Variants in KLHL18 observed in about 807,000 individuals in gnomAD.
The protein encoded by KLHL18 is kelch like family member 18, also known as kelch-like protein 18.
In KLHL18, 38 loss-of-function variants were observed where a neutral mutation model predicts 58.5. The observed-to-expected ratio is 0.65, with a 90% confidence interval of 0.50 to 0.85. The LOEUF (loss-of-function observed/expected upper bound fraction) is 0.85. Among genes scored for constraint, KLHL18 ranks in the 40% least tolerant of loss-of-function variants. The pLI, the probability that KLHL18 is intolerant of heterozygous loss-of-function variation, is 0.00. For missense variants in KLHL18, 624 were observed against 778.4 expected (o/e 0.80, Z 2.36); for synonymous variants, 303 against 301.9 (o/e 1.00, Z -0.04).
chr3:47,329,044 G>A (rs1454996312), intron 3 of KLHL18, among the ~76,000 whole-genome samples: 6 of 151,710 alleles, frequency 4.0e-5, no homozygotes, highest in Non-Finnish European at 5.9e-5. Flanking sequence ...CAGGAGGATC[G>A]CTTGAGCCCA....
intron 3 of KLHL18, among the ~76,000 whole-genome samples, chr3:47,324,298 CTTTTTTT>C (rs769288621): frequency 0.023 from 868 of 37,472 alleles, 36 homozygotes; most frequent in South Asian, 0.18. Context: ...TTCTTTCTTT[CTTTTTTT>C]TTTTTTTTTT....
intron 8 of KLHL18, among the ~76,000 whole-genome samples, chr3:47,341,735 G>A (rs1263918481): frequency 6.6e-6 from 1 of 152,068 alleles, no homozygotes; most frequent in South Asian, 2.1e-4. Context: ...GGGTGAAGCT[G>A]AAGGGTGGTT....
At chr3:47,336,831 G>T in intron 7 of KLHL18, 74 bp downstream of exon 7, 2 of 1,166,386 alleles carry the variant, frequency 1.7e-6, no homozygotes, top group Non-Finnish European at 2.5e-6. Flanking sequence ...ACGAGCAGGG[G>T]CACACAGTAG....
intron 7 of KLHL18, 62 bp downstream of exon 7, chr3:47,336,819 A>G (rs1703998716): frequency 1.5e-6 from 2 of 1,330,922 alleles, no homozygotes; most frequent in Non-Finnish European, 2.2e-6. Flanking sequence ...GCGCCATGCT[A>G]GACGAGCAGG....
intron 8 of KLHL18, 50 bp downstream of exon 8, chr3:47,340,726 A>G (rs1203937235): frequency 6.2e-7 from 1 of 1,606,952 alleles, no homozygotes; most frequent in Non-Finnish European, 8.5e-7. Flanking sequence ...AACAGAGAGT[A>G]TAAAAATCAG....
chr3:47,335,140 T>G (rs1703955736), intron 6 of KLHL18, among the ~76,000 whole-genome samples: 1 of 152,192 alleles, frequency 6.6e-6, no homozygotes, highest in South Asian at 2.1e-4. Context: ...ACTTGGGTGT[T>G]CTGATTCCTG....
chr3:47,340,634 C>G lies in KLHL18; in HGVS notation c.1184C>G (p.Ser395Cys), dbSNP rs1208899677. Residue 395 changes from serine (S) to cysteine (C), a missense_variant, in exon 8 of 10, where the codon TCT becomes TGT. Physicochemically the swap from Ser to Cys is moderately radical, Grantham distance 112. Coordinates refer to ENST00000232766, the MANE Select transcript of KLHL18 (RefSeq NM_025010.5). ...GTCTGTGGGGGCTACGATGGCAACT[C>G]TTCCCTCAGCTCCGTGGAGACCTAC... is the stretch of plus-strand genomic sequence containing the variant. ...IYVCGGYDGN[S>C]SLSSVETYSP... 3.7e-6 allele frequency: 6 copies of G among 1,613,950 alleles called. No homozygotes were observed. In the African/African-American group the frequency reaches 8.0e-5, roughly 22 times the overall value.
chr3:47,302,981 C>T (rs541061622), intron 1 of KLHL18, among the ~76,000 whole-genome samples: 138 of 152,310 alleles, frequency 9.1e-4, no homozygotes, highest in Non-Finnish European at 1.4e-3. Context: ...CTATTAATTC[C>T]TCAGGTATAG....
chr3:47,298,778 T>C (rs1702951588), intron 1 of KLHL18, among the ~76,000 whole-genome samples: 2 of 152,208 alleles, frequency 1.3e-5, no homozygotes, highest in Non-Finnish European at 2.9e-5. Context: ...ATTTTGAAAC[T>C]GTTATATAAA....
chr3:47,319,810 C>G, intron 2 of KLHL18, 27 bp downstream of exon 2: 1 of 1,610,178 alleles, frequency 6.2e-7, no homozygotes, highest in Admixed American at 1.7e-5. Context: ...TTAGGTTTCG[C>G]AGGCTGCTTT....
chr3:47,325,164 G>A (rs1318463975), intron 3 of KLHL18, among the ~76,000 whole-genome samples: 2 of 152,010 alleles, frequency 1.3e-5, no homozygotes, highest in Admixed American at 6.6e-5. Flanking sequence ...CCTTGAAGGT[G>A]CATCATTTTC....
At chr3:47,329,409 A>T (rs544825466) in intron 3 of KLHL18, among the ~76,000 whole-genome samples, 16 of 152,114 alleles carry the variant, frequency 1.1e-4, no homozygotes, top group Middle Eastern at 3.4e-3. Flanking sequence ...TTGTATTTTT[A>T]GTAGAGACGG....
Position 47,316,501 on chromosome 3 carries a change from GTATA to G in KLHL18, c.130-3145_130-3142del, listed in dbSNP as rs1703429674. ...TATATATACATATATACATATATAT[GTATA>G]TATATACATATATACATATATATGT... On this transcript the variant is annotated intron_variant, in intron 1 of 9. Transcript: ENST00000232766. Among the ~76,000 whole-genome samples the G allele has an allele frequency of 5.8e-5, 7 of 121,446 alleles. 1 individual carries two copies. The highest frequency in any genetic ancestry group is 4.8e-4 in the South Asian group (2 of 4,144). The allele number at this position is 121,446 out of a possible 152,430, so 79.7% of individuals were successfully genotyped here.
At chr3:47,323,567 G>A (rs559925285) in intron 3 of KLHL18, among the ~76,000 whole-genome samples, 1 of 152,282 alleles carries the variant, frequency 6.6e-6, no homozygotes, top group South Asian at 2.1e-4. Flanking sequence ...GGTCTCCTGT[G>A]ACCTTCTGCC....
intron 4 of KLHL18, among the ~76,000 whole-genome samples, chr3:47,332,845 TGGAG>T (rs1333143289): frequency 6.6e-6 from 1 of 151,600 alleles, no homozygotes; most frequent in African/African-American, 2.4e-5. Flanking sequence ...GAGAGGGTGA[TGGAG>T]GGAGTTTAGA....
chr3:47,322,835 C>A, intron 3 of KLHL18, 127 bp downstream of exon 3: 1 of 842,672 alleles, frequency 1.2e-6, no homozygotes, highest in Non-Finnish European at 1.6e-6. Context: ...GGTTATTCTG[C>A]AGCACTTACA....
At chr3:47,301,994 A>C (rs1298614163) in intron 1 of KLHL18, among the ~76,000 whole-genome samples, 1 of 152,030 alleles carries the variant, frequency 6.6e-6, no homozygotes, top group Non-Finnish European at 1.5e-5. Flanking sequence ...TAGAGACGGG[A>C]TCTTGCCATG....
intron 1 of KLHL18, among the ~76,000 whole-genome samples, chr3:47,296,840 G>T (rs1702906939): frequency 6.6e-6 from 1 of 152,208 alleles, no homozygotes; most frequent in Non-Finnish European, 1.5e-5. Flanking sequence ...ATTGAGTACA[G>T]ACTGTGTACT....
chr3:47,320,751 A>T (rs973170879), intron 2 of KLHL18, among the ~76,000 whole-genome samples: 1 of 149,998 alleles, frequency 6.7e-6, no homozygotes. Flanking sequence ...ACATCTTTAT[A>T]AAAAAAAATT....
Sources: gnomAD v4.1 joint callset for allele counts (sites outside exome capture counted in the v4.1 genomes callset) on GRCh38, gnomAD v4.1.1 for gene constraint, MANE v1.5 for transcripts, NCBI Gene and HGNC (gene_info 2026-07-23, HGNC 2026-07-21) for gene names.